AHCYL2: variants seen among roughly 807,000 people sequenced by gnomAD.
AHCYL2 encodes the protein S-adenosylhomocysteine hydrolase-like protein 2.
Under a neutral mutation model 81.4 loss-of-function variants are expected in AHCYL2, and 28 were observed. The ratio of observed to expected loss-of-function variants is 0.34; its 90% confidence interval spans 0.25 to 0.47. The LOEUF is 0.47. AHCYL2 is among the 20% of genes least tolerant of loss of function. AHCYL2 has a pLI of 1.00. For synonymous variants in AHCYL2, 272 were observed against 290.2 expected (o/e 0.94, Z 0.64); for missense variants, 551 against 785.1 (o/e 0.70, Z 3.56).
At chr7:129,227,474 AAAAG>A (rs1481183400) in intron 1 of AHCYL2, among the ~76,000 whole-genome samples, 5 of 150,686 alleles carry the variant, frequency 3.3e-5, no homozygotes, top group Non-Finnish European at 4.4e-5. Flanking sequence ...AAAAAAAAAA[AAAAG>A]AGCCGGGCAT....
intron 1 of AHCYL2, among the ~76,000 whole-genome samples, chr7:129,231,691 A>G (rs2718115): frequency 0.64 from 97,939 of 152,078 alleles, 32,217 homozygotes; most frequent in Middle Eastern, 0.73. Flanking sequence ...TCAGATTTCT[A>G]TGGAATTTGT....
At chr7:129,304,880 T>C (rs1186780656) in intron 1 of AHCYL2, among the ~76,000 whole-genome samples, 1 of 152,072 alleles carries the variant, frequency 6.6e-6, no homozygotes, top group Non-Finnish European at 1.5e-5. Flanking sequence ...CCATTTACAT[T>C]CAATGTTATT....
At chr7:129,289,871 C>T (rs1796773948) in intron 1 of AHCYL2, among the ~76,000 whole-genome samples, 1 of 151,938 alleles carries the variant, frequency 6.6e-6, no homozygotes. Flanking sequence ...CAACCTCCGC[C>T]TCTAGGGTTC....
chr7:129,331,195 AGAAGAC>A (rs1326554239), intron 1 of AHCYL2, among the ~76,000 whole-genome samples: 1 of 152,176 alleles, frequency 6.6e-6, no homozygotes, highest in African/African-American at 2.4e-5. Flanking sequence ...TGAAGGGGTG[AGAAGAC>A]GAACATTTTT....
At chr7:129,250,080 T>C (rs1473875259) in intron 1 of AHCYL2, among the ~76,000 whole-genome samples, 3 of 152,272 alleles carry the variant, frequency 2.0e-5, no homozygotes, top group Admixed American at 2.0e-4. Flanking sequence ...TGTGGGAGTA[T>C]TGCTTGAGGC....
rs961055603 is a variant in AHCYL2 at position 129,268,599 on chromosome 7, G to C, written c.363+43160G>C. On this transcript the variant is annotated intron_variant, in intron 1 of 16. Coordinates refer to ENST00000325006, the MANE Select transcript of AHCYL2 (RefSeq NM_015328.4). ...CAGATCCTGACCTTAGGATCCACCC[G>C]CTTCGGCCTCCCAAAGTGTTGGGAT... 5.5e-4 allele frequency among the ~76,000 whole-genome samples: 83 copies of C among 152,084 alleles called. 1 individual carries two copies. Among genetic ancestry groups the C allele is most frequent in the Admixed American group, 5.4e-3 (83 of 15,278 alleles).
At chr7:129,374,004 C>A (rs1794546259) in intron 1 of AHCYL2, among the ~76,000 whole-genome samples, 1 of 152,136 alleles carries the variant, frequency 6.6e-6, no homozygotes, top group Non-Finnish European at 1.5e-5. Flanking sequence ...TGTTAGAGTT[C>A]TAATTCTTAT....
At chr7:129,371,894 A>G (rs377585818) in intron 1 of AHCYL2, among the ~76,000 whole-genome samples, 1 of 152,196 alleles carries the variant, frequency 6.6e-6, no homozygotes, top group African/African-American at 2.4e-5. Flanking sequence ...TGGAAGAGAG[A>G]GGTGTTTTGA....
chr7:129,357,750 C>T (rs13235721), intron 1 of AHCYL2, among the ~76,000 whole-genome samples: 3,507 of 151,852 alleles, frequency 0.023, 71 homozygotes, highest in Admixed American at 0.057. Flanking sequence ...CTGGCTAACA[C>T]GATGAAACCG....
intron 1 of AHCYL2, among the ~76,000 whole-genome samples, chr7:129,348,510 CTT>C (rs1793441836): frequency 6.6e-6 from 1 of 151,792 alleles, no homozygotes; most frequent in Non-Finnish European, 1.5e-5. Context: ...AGGGTAGAGA[CTT>C]TTCACCATAT....
chr7:129,290,029 G>A (rs911758108), intron 1 of AHCYL2, among the ~76,000 whole-genome samples: 16 of 151,920 alleles, frequency 1.1e-4, no homozygotes, highest in Admixed American at 8.5e-4. Flanking sequence ...TGATCCTCCC[G>A]CCTCGGCCTC....
chr7:129,264,870 A>G (rs879496899), intron 1 of AHCYL2, among the ~76,000 whole-genome samples: 1 of 152,244 alleles, frequency 6.6e-6, no homozygotes, highest in Non-Finnish European at 1.5e-5. Flanking sequence ...AAAACTATAC[A>G]TAGAATTAAA....
chr7:129,313,380 A>G (rs1797726489), intron 1 of AHCYL2, among the ~76,000 whole-genome samples: 1 of 152,220 alleles, frequency 6.6e-6, no homozygotes, highest in South Asian at 2.1e-4. Context: ...GGATTTGGGC[A>G]ATGTAGATTT....
intron 1 of AHCYL2, among the ~76,000 whole-genome samples, chr7:129,292,160 C>T (rs1206260454): frequency 6.6e-6 from 1 of 151,992 alleles, no homozygotes; most frequent in African/African-American, 2.4e-5. Context: ...ATTTGCTTAC[C>T]ATCACTTTCC....
At chr7:129,247,601 T>C (rs1463459669) in intron 1 of AHCYL2, among the ~76,000 whole-genome samples, 1 of 37,052 alleles carries the variant, frequency 2.7e-5, no homozygotes, top group African/African-American at 5.5e-5. Context: ...AAATAGATTG[T>C]ACTTTTTTTT....
chr7:129,370,401 A>T (rs201762303), intron 1 of AHCYL2, among the ~76,000 whole-genome samples: 2 of 151,946 alleles, frequency 1.3e-5, no homozygotes, highest in Middle Eastern at 3.4e-3. Flanking sequence ...TAAAAAATAA[A>T]TAAAAAAATT....
Position 129,413,642 on chromosome 7 carries a change from G to A in AHCYL2, c.1415G>A (p.Ser472Asn), listed in dbSNP as rs1451048780. 3 of 1,614,028 alleles carry A rather than the reference G, an allele frequency of 1.9e-6. No individual in the cohort carries two copies. Among genetic ancestry groups the A allele is most frequent in the Non-Finnish European group, 2.5e-6 (3 of 1,180,038 alleles). Residue 472 changes from serine (S) to asparagine (N), a missense_variant, in exon 12 of 17, where the codon AGC (serine) becomes AAC (asparagine). Physicochemically the swap from Ser to Asn is conservative, Grantham distance 46 (BLOSUM62 1). This residue lies in a region of AHCYL2 where 316 missense variants were observed against 543.1 expected (regional missense o/e 0.58). Coordinates refer to ENST00000325006, the MANE Select transcript of AHCYL2 (RefSeq NM_015328.4). ...GAGCACTTGGACCGTATGAAGAATA[G>A]CTGCATCGTTTGTAACATGGGACAT... ...TREHLDRMKN[S>N]CIVCNMGHSN...
At chr7:129,388,092 T>C (rs1325109328) in intron 2 of AHCYL2, 1 of 152,178 alleles carries the variant, frequency 6.6e-6, no homozygotes, top group Non-Finnish European at 1.5e-5. Flanking sequence ...TTTCTACCCT[T>C]AAAAGTGATG....
intron 5 of AHCYL2, among the ~76,000 whole-genome samples, chr7:129,399,790 G>A (rs1415966711): frequency 6.9e-6 from 1 of 145,876 alleles, no homozygotes; most frequent in African/African-American, 2.6e-5. Context: ...GCAGTGGCAC[G>A]ATCTTGGCTC....
Sources: allele counts gnomAD v4.1 joint callset (sites outside exome capture counted in the v4.1 genomes callset), GRCh38; gene constraint gnomAD v4.1.1; regional missense constraint gnomAD v4.1.1; transcripts MANE v1.5; gene names NCBI Gene and HGNC (gene_info 2026-07-23, HGNC 2026-07-21).